MMP26: variants seen among roughly 807,000 people sequenced by gnomAD.
MMP26 encodes the protein matrix metalloproteinase-26.
A neutral mutation model predicts 31.0 loss-of-function variants in MMP26; 33 were observed. That is an observed-to-expected ratio of 1.06 (90% confidence interval 0.81 to 1.42). The LOEUF is 1.42. MMP26 is among the 40% of genes most tolerant of loss of function. The pLI, the probability that MMP26 is intolerant of heterozygous loss-of-function variation, is 0.00. For synonymous variants in MMP26, 122 were observed against 114.9 expected, an observed-to-expected ratio of 1.06 and a Z score of -0.40; for missense variants, 347 against 316.1, an observed-to-expected ratio of 1.10 and a Z score of -0.74.
intron 2 of MMP26, among the ~76,000 whole-genome samples, chr11:4,895,135 T>C (rs1265246843): frequency 6.6e-6 from 1 of 152,174 alleles, no homozygotes; most frequent in African/African-American, 2.4e-5. Context: ...TTAAATTGAT[T>C]TTGTAAAGAA....
At chr11:4,956,631 C>T (rs1564814786) in intron 2 of MMP26, among the ~76,000 whole-genome samples, 1 of 152,158 alleles carries the variant, frequency 6.6e-6, no homozygotes. Flanking sequence ...TGTTGCAGGA[C>T]AAACATCCTG....
intron 2 of MMP26, chr11:4,908,413 A>G (rs1850939890): frequency 2.1e-6 from 2 of 955,564 alleles, no homozygotes; most frequent in Admixed American, 1.9e-5. Flanking sequence ...GGATGATGGA[A>G]GTGAAAAGCT....
intron 2 of MMP26, chr11:4,833,191 A>C (rs957544861): frequency 3.3e-5 from 5 of 152,216 alleles, no homozygotes; most frequent in Non-Finnish European, 7.3e-5. Context: ...AGCATTAATT[A>C]ATTAATTGTT....
chr11:4,782,304 C>A (rs962451271), intron 2 of MMP26, among the ~76,000 whole-genome samples: 1 of 152,094 alleles, frequency 6.6e-6, no homozygotes, highest in African/African-American at 2.4e-5. Context: ...AGATGAGGAA[C>A]TTGTTGGGAA....
chr11:4,809,440 C>T (rs1212781095), intron 2 of MMP26, among the ~76,000 whole-genome samples: 1 of 152,128 alleles, frequency 6.6e-6, no homozygotes, highest in African/African-American at 2.4e-5. Flanking sequence ...ACTATAACAC[C>T]CACTGGCTCT....
At chr11:4,976,552 G>C (rs571272421) in intron 2 of MMP26, among the ~76,000 whole-genome samples, 1 of 152,090 alleles carries the variant, frequency 6.6e-6, no homozygotes, top group Admixed American at 6.5e-5. Context: ...CCAGGATAAA[G>C]CCACTCAAAT....
At chr11:4,935,684 G>A (rs1324622741) in intron 2 of MMP26, among the ~76,000 whole-genome samples, 12 of 150,098 alleles carry the variant, frequency 8.0e-5, no homozygotes, top group East Asian at 2.0e-4. Flanking sequence ...TCCAGTTTTT[G>A]CCCATTCAGT....
At chr11:4,904,950 T>G (rs1850860753) in intron 2 of MMP26, among the ~76,000 whole-genome samples, 11 of 152,032 alleles carry the variant, frequency 7.2e-5, no homozygotes, top group Admixed American at 7.2e-4. Flanking sequence ...GTAATGGAGT[T>G]TGGTAGGGTA....
chr11:4,861,516 G>A (rs1030288390), intron 2 of MMP26, among the ~76,000 whole-genome samples: 4 of 151,682 alleles, frequency 2.6e-5, no homozygotes, highest in Non-Finnish European at 5.9e-5. Flanking sequence ...GAGAGGGAAT[G>A]TATCCTGGAT....
intron 2 of MMP26, chr11:4,803,849 G>T: frequency 6.2e-7 from 1 of 1,612,870 alleles, no homozygotes; most frequent in South Asian, 1.1e-5. Flanking sequence ...TATGACTGGG[G>T]AATGGCTTGG....
intron 2 of MMP26, among the ~76,000 whole-genome samples, chr11:4,924,817 G>A (rs10836956): frequency 0.054 from 8,190 of 152,192 alleles, 317 homozygotes; most frequent in East Asian, 0.23. Flanking sequence ...TTAGAATGAG[G>A]AAACGAAACC....
chr11:4,759,410 A>G, intron 1 of MMP26, among the ~76,000 whole-genome samples: 1 of 152,142 alleles, frequency 6.6e-6, no homozygotes, highest in East Asian at 1.9e-4. Flanking sequence ...TACTAGTAGT[A>G]TTGACAATAG....
intron 2 of MMP26, among the ~76,000 whole-genome samples, chr11:4,770,353 G>C (rs1848700339): frequency 6.6e-6 from 1 of 152,192 alleles, no homozygotes; most frequent in Non-Finnish European, 1.5e-5. Flanking sequence ...AAGGGTATGA[G>C]TCTGCAGACA....
At chr11:4,736,625 G>A (rs1459508351) in intron 1 of MMP26, 2 of 152,186 alleles carry the variant, frequency 1.3e-5, no homozygotes, top group African/African-American at 4.8e-5. Context: ...AGGGCCAGAG[G>A]CAATAGGATC....
At chr11:4,944,940 C>T (rs1846271649) in intron 2 of MMP26, 1 of 151,920 alleles carries the variant, frequency 6.6e-6, no homozygotes, top group Non-Finnish European at 1.5e-5. Flanking sequence ...CATTCATTAG[C>T]AATTATTTAT....
At chr11:4,968,472 T>C (rs1846624301) in intron 2 of MMP26, among the ~76,000 whole-genome samples, 1 of 151,722 alleles carries the variant, frequency 6.6e-6, no homozygotes, top group African/African-American at 2.4e-5. Context: ...AAAGGCAACA[T>C]TTTCAAAAAT....
intron 2 of MMP26, among the ~76,000 whole-genome samples, chr11:4,779,547 A>AT (rs1019572368): frequency 5.9e-5 from 9 of 152,064 alleles, no homozygotes; most frequent in Admixed American, 5.9e-4. Flanking sequence ...TACAATTAGT[A>AT]TTTTTTATTT....
At chr11:4,911,543 C>T (rs561878284) in intron 2 of MMP26, among the ~76,000 whole-genome samples, 5 of 152,184 alleles carry the variant, frequency 3.3e-5, no homozygotes, top group Non-Finnish European at 5.9e-5. Context: ...CAGCTTACTT[C>T]GCTCCAGTCA....
chr11:4,968,283 A>G (rs780917776), intron 2 of MMP26, among the ~76,000 whole-genome samples: 10 of 152,120 alleles, frequency 6.6e-5, no homozygotes, highest in Non-Finnish European at 1.5e-4. Context: ...GGAAAGGTTA[A>G]TTATCTTTTT....
Sources: allele counts gnomAD v4.1 joint callset (sites outside exome capture counted in the v4.1 genomes callset), GRCh38; gene constraint gnomAD v4.1.1; transcripts MANE v1.5; gene names NCBI Gene and HGNC (gene_info 2026-07-23, HGNC 2026-07-21).